Variants in DPF3 observed in about 807,000 individuals in gnomAD.
DPF3 encodes the protein zinc finger protein DPF3.
In DPF3, 18 loss-of-function variants were observed where a neutral mutation model predicts 56.8. The observed-to-expected ratio is 0.32, with a 90% CI of 0.22 to 0.47. The LOEUF (loss-of-function observed/expected upper bound fraction) is 0.47. DPF3 is among the 20% of genes least tolerant of loss of function. The pLI is 1.00. For missense variants in DPF3, 403 were observed against 488.8 expected (o/e 0.82, Z 1.65); for synonymous variants, 188 against 180.2 (o/e 1.04, Z -0.35).
chr14:72,838,940 G>T (rs914954448), intron 1 of DPF3, among the ~76,000 whole-genome samples: 43 of 32,406 alleles, frequency 1.3e-3, no homozygotes, highest in Middle Eastern at 0.036. Context: ...TTTTTTTTTT[G>T]GAGACAGAAT....
intron 1 of DPF3, among the ~76,000 whole-genome samples, chr14:72,874,513 C>A (rs983050568): frequency 1.3e-5 from 2 of 151,922 alleles, no homozygotes; most frequent in Non-Finnish European, 2.9e-5. Flanking sequence ...AAATTTATTC[C>A]ACCAGATAAC....
intron 2 of DPF3, among the ~76,000 whole-genome samples, chr14:72,753,591 G>C (rs1890668797): frequency 6.6e-6 from 1 of 152,162 alleles, no homozygotes; most frequent in Non-Finnish European, 1.5e-5. Flanking sequence ...TGTTCAGCAA[G>C]CCCATGCCAA....
intron 6 of DPF3, among the ~76,000 whole-genome samples, chr14:72,707,677 CGTGT>C (rs34662853): frequency 6.7e-6 from 1 of 150,052 alleles, no homozygotes; most frequent in Non-Finnish European, 1.5e-5. Flanking sequence ...CTTCTGTGTG[CGTGT>C]GTGTGTGTGT....
chr14:72,777,651 C>T (rs1215549557), intron 1 of DPF3, among the ~76,000 whole-genome samples: 3 of 152,166 alleles, frequency 2.0e-5, no homozygotes, highest in Non-Finnish European at 4.4e-5. Context: ...GGGCACATCC[C>T]TCATGGCTTG....
intron 1 of DPF3, among the ~76,000 whole-genome samples, chr14:72,823,844 A>G (rs1385624842): frequency 6.6e-6 from 1 of 152,196 alleles, no homozygotes; most frequent in Non-Finnish European, 1.5e-5. Flanking sequence ...AGTGGCAATC[A>G]TTGTGAGAAA....
At position 72,665,365 on chromosome 14, in the gene DPF3, G is replaced by A. The variant is rs564083605; in HGVS notation, c.871+8875C>T. Among the ~76,000 whole-genome samples the A allele has an allele frequency of 2.0e-5, 3 of 152,302 alleles. No homozygotes were observed. The South Asian group carries it at 6.2e-4, about 32-fold the overall frequency. ...GTCCCTAGTTGCCAAATGAACCGAG[G>A]TATATCTGAATGAAAATGTTATCAT... On this transcript the variant is annotated intron_variant, in intron 8 of 10. Coordinates refer to ENST00000556509, the MANE Select transcript of DPF3 (RefSeq NM_001280542.3).
intron 6 of DPF3, among the ~76,000 whole-genome samples, chr14:72,712,760 C>T (rs921704711): frequency 6.6e-6 from 1 of 152,022 alleles, no homozygotes; most frequent in Non-Finnish European, 1.5e-5. Context: ...CTAGCTACTG[C>T]GTATGCTGAG....
intron 7 of DPF3, among the ~76,000 whole-genome samples, chr14:72,679,577 T>G (rs927334126): frequency 3.0e-4 from 46 of 152,136 alleles, no homozygotes; most frequent in African/African-American, 1.0e-3. Context: ...GAGATGCGCC[T>G]CTCCTCGCCC....
intron 8 of DPF3, among the ~76,000 whole-genome samples, chr14:72,667,163 C>T (rs959417231): frequency 3.9e-5 from 6 of 151,974 alleles, no homozygotes; most frequent in Admixed American, 2.0e-4. Flanking sequence ...TCTAAAATAC[C>T]GGTAGCAAAT....
chr14:72,874,838 A>G (rs921281135), intron 1 of DPF3, among the ~76,000 whole-genome samples: 1 of 152,012 alleles, frequency 6.6e-6, no homozygotes, highest in Non-Finnish European at 1.5e-5. Context: ...TCACTTCCAC[A>G]TTTTCGGGTA....
intron 3 of DPF3, among the ~76,000 whole-genome samples, chr14:72,751,080 A>G (rs989021073): frequency 1.6e-4 from 25 of 152,220 alleles, no homozygotes; most frequent in African/African-American, 5.8e-4. Context: ...GTCCCCACAC[A>G]CTGAGGAGGC....
At chr14:72,694,152 G>A (rs1331893645) in intron 6 of DPF3, among the ~76,000 whole-genome samples, 4 of 152,220 alleles carry the variant, frequency 2.6e-5, no homozygotes, top group Non-Finnish European at 5.9e-5. Flanking sequence ...AATGGCTCAA[G>A]GTCACACTAC....
At chr14:72,708,858 T>C (rs1224419423) in intron 6 of DPF3, among the ~76,000 whole-genome samples, 1 of 152,174 alleles carries the variant, frequency 6.6e-6, no homozygotes, top group Non-Finnish European at 1.5e-5. Flanking sequence ...AAGAGCATCA[T>C]TGTTAAGCTG....
intron 7 of DPF3, among the ~76,000 whole-genome samples, chr14:72,692,730 C>CCAGTCAGCCAG (rs1408601449): frequency 6.6e-6 from 1 of 152,226 alleles, no homozygotes; most frequent in Non-Finnish European, 1.5e-5. Flanking sequence ...CTATGCCCAA[C>CCAGTCAGCCAG]CCAGTCTGAG....
At chr14:72,639,991 T>TGAGAGGAG (rs1258678124) in intron 8 of DPF3, among the ~76,000 whole-genome samples, 1 of 130,278 alleles carries the variant, frequency 7.7e-6, no homozygotes, top group Non-Finnish European at 1.5e-5. Flanking sequence ...GGAAAGCCAC[T>TGAGAGGAG]GAGAGGAGGT....
chr14:72,687,132 T>C (rs1003266121), intron 7 of DPF3, among the ~76,000 whole-genome samples: 7 of 152,212 alleles, frequency 4.6e-5, no homozygotes, highest in Admixed American at 4.6e-4. Context: ...GAGTACAACA[T>C]GCCCTCCAAA....
Position 72,784,232 on chromosome 14 carries a change from T to C in DPF3, c.33-12339A>G, listed in dbSNP as rs574852798. 1.8e-4 allele frequency among the ~76,000 whole-genome samples: 28 copies of C among 152,176 alleles called. 1 individual carries two copies. Among genetic ancestry groups the C allele is most frequent in the Non-Finnish European group, 1.0e-4 (7 of 68,010 alleles). ...ACCTGCCATTTTTGGAGGCACATAC[T>C]TGTAAATAGAACAAAGCCAGACTGA... On this transcript the variant is annotated intron_variant, in intron 1 of 10. Transcript: ENST00000556509.
chr14:72,641,989 G>A (rs898194849), intron 8 of DPF3, among the ~76,000 whole-genome samples: 1 of 152,234 alleles, frequency 6.6e-6, no homozygotes, highest in African/African-American at 2.4e-5. Context: ...AGGCCCACAT[G>A]GCAAGGAGCT....
At chr14:72,672,793 A>G (rs1886747151) in intron 8 of DPF3, among the ~76,000 whole-genome samples, 1 of 152,202 alleles carries the variant, frequency 6.6e-6, no homozygotes, top group African/African-American at 2.4e-5. Flanking sequence ...TAACCCATCC[A>G]AACCTACAGC....
Sources: gnomAD v4.1 joint callset for allele counts (sites outside exome capture counted in the v4.1 genomes callset) on GRCh38, gnomAD v4.1.1 for gene constraint, MANE v1.5 for transcripts, NCBI Gene and HGNC (gene_info 2026-07-23, HGNC 2026-07-21) for gene names.